The following ZNF101 variants were observed in gnomAD, a reference collection of about 807,000 sequenced individuals.
ZNF101 encodes zinc finger protein 101, also known as zinc finger protein 101 (Y2).
Under a neutral mutation model 42.6 loss-of-function variants are expected in ZNF101, and 34 were observed. The observed-to-expected ratio is 0.80, with a 90% CI of 0.61 to 1.06. ZNF101 has a LOEUF of 1.06. ZNF101 is among the 50% of genes least tolerant of loss of function. The pLI, the probability that ZNF101 is intolerant of heterozygous loss-of-function variation, is 0.00. For missense variants in ZNF101, 466 were observed against 530.9 expected, an observed-to-expected ratio of 0.88 and a Z score of 1.20; for synonymous variants, 158 against 183.9, an observed-to-expected ratio of 0.86 and a Z score of 1.14.
At chr19:19,668,348 A>G (rs1001470701), upstream of ZNF101, among the ~76,000 whole-genome samples, 2 of 152,044 alleles carry the variant, frequency 1.3e-5, no homozygotes, top group Non-Finnish European at 2.9e-5. Flanking sequence ...TCCTGACCGC[A>G]TCCTGGAGAT....
Position 19,679,618 on chromosome 19 carries a change from G to A in ZNF101, c.629G>A (p.Ser210Asn), listed in dbSNP as rs549066094. 6 of 1,612,930 alleles carry A rather than the reference G, an allele frequency of 3.7e-6. No individual in the cohort carries two copies. The highest frequency in any genetic ancestry group is 5.1e-6 in the Non-Finnish European group (6 of 1,179,328). Residue 210 changes from serine to asparagine, a missense_variant, in exon 4 of 4, where the codon AGT becomes AAT. Ser to Asn is a conservative substitution (Grantham distance 46, BLOSUM62 1). Transcript: ENST00000592502. ...ATAGTGAGAGCCTTCACAGTTTCCA[G>A]TTTCTTTCGAAAACATGGAAAAATG... ...REIVRAFTVS[S>N]FFRKHGKMHT...
At chr19:19,675,448 T>A (rs1040115173) in intron 1 of ZNF101, among the ~76,000 whole-genome samples, 5 of 152,254 alleles carry the variant, frequency 3.3e-5, no homozygotes, top group Admixed American at 1.3e-4. Flanking sequence ...ATTTTTTTTT[T>A]ATTACTATGC....
chr19:19,678,073 G>T, intron 2 of ZNF101, 83 bp downstream of exon 2: 2 of 1,562,326 alleles, frequency 1.3e-6, no homozygotes, highest in South Asian at 2.2e-5. Flanking sequence ...TTGGAATGTG[G>T]AAAGAGAATA....
At chr19:19,670,717 C>T (rs912535276) in intron 1 of ZNF101, among the ~76,000 whole-genome samples, 1 of 151,940 alleles carries the variant, frequency 6.6e-6, no homozygotes, top group Non-Finnish European at 1.5e-5. Flanking sequence ...GTGATTGCGC[C>T]ACTGCACTGA....
At chr19:19,670,406 A>G (rs1280142767) in intron 1 of ZNF101, among the ~76,000 whole-genome samples, 1 of 152,172 alleles carries the variant, frequency 6.6e-6, no homozygotes, top group African/African-American at 2.4e-5. Flanking sequence ...ACGCCCGGCT[A>G]GTTTTTATTT....
chr19:19,672,581 G>A (rs1482224464), intron 1 of ZNF101, among the ~76,000 whole-genome samples: 2 of 151,750 alleles, frequency 1.3e-5, no homozygotes, highest in Admixed American at 6.6e-5. Flanking sequence ...GCTGGAGTGC[G>A]GTGGCACGAT....
chr19:19,676,347 A>G (rs1446948716), intron 1 of ZNF101: 1 of 151,510 alleles, frequency 6.6e-6, no homozygotes, highest in Non-Finnish European at 1.5e-5. Flanking sequence ...TTAACTCCTG[A>G]CCTCAAGTGG....
upstream of ZNF101, among the ~76,000 whole-genome samples, chr19:19,668,591 C>G (rs1020191398): frequency 1.2e-4 from 18 of 152,072 alleles, no homozygotes; most frequent in African/African-American, 4.3e-4. Context: ...GGAGCAAGTT[C>G]TGCTTCCATG....
chr19:19,678,125 C>A, intron 2 of ZNF101, 135 bp downstream of exon 2: 1 of 1,301,470 alleles, frequency 7.7e-7, no homozygotes, highest in Non-Finnish European at 1.0e-6. Flanking sequence ...GGTACAGTGG[C>A]TTACCCTTGT....
At chr19:19,678,058 A>C in intron 2 of ZNF101, 68 bp downstream of exon 2, 1 of 1,575,988 alleles carries the variant, frequency 6.3e-7, no homozygotes, top group Non-Finnish European at 8.7e-7. Flanking sequence ...GTGTGGTTGC[A>C]CAGTTTGGAA....
At chr19:19,672,184 ATTTAT>A (rs910967389) in intron 1 of ZNF101, 12 of 149,746 alleles carry the variant, frequency 8.0e-5, no homozygotes, top group Non-Finnish European at 1.3e-4. Flanking sequence ...TTATAAATTT[ATTTAT>A]TTTATTTTTT....
intron 1 of ZNF101, among the ~76,000 whole-genome samples, chr19:19,675,279 C>T (rs528089147): frequency 3.3e-5 from 5 of 151,982 alleles, no homozygotes; most frequent in African/African-American, 9.7e-5. Flanking sequence ...CTGGGATTAC[C>T]GGCGTCCACC....
chr19:19,678,794 C>G lies in ZNF101; in HGVS notation c.191+8C>G, dbSNP rs781602289. The G allele has an allele frequency of 3.4e-5, 55 of 1,607,256 alleles. 1 individual carries two copies. In the South Asian group the frequency reaches 5.6e-4, roughly 16 times the overall value. ...CCTGGGGATTAAGCTAAGGTAATCTCCACTCACAAGAGGAAGCAGTGTCTC... is the reference window on the plus strand; with the variant it reads ...CCTGGGGATTAAGCTAAGGTAATCTGCACTCACAAGAGGAAGCAGTGTCTC... On this transcript the variant is annotated splice_region_variant and intron_variant, in intron 3 of 3. Transcript: ENST00000592502.
In ZNF101 at chr19:19,673,375, G is replaced by T. The variant is rs369209865; in HGVS notation, c.3+4409G>T. 6.0e-5 allele frequency among the ~76,000 whole-genome samples: 9 copies of T among 150,626 alleles called. No individual in the cohort carries two copies. In the South Asian group the frequency reaches 1.9e-3, roughly 32 times the overall value. Reference sequence around the variant, plus strand: ...AGCAGTTCTTCTGTCTCAGTCTCCGGAGTAGCTGGGATTACAGGCACGTGC... The same window carrying T: ...AGCAGTTCTTCTGTCTCAGTCTCCGTAGTAGCTGGGATTACAGGCACGTGC... On this transcript the variant is annotated intron_variant, in intron 1 of 3. Transcript: ENST00000592502.
At chr19:19,678,672 A>AT in intron 2 of ZNF101, 54 bp from the exon 3 acceptor site, 1 of 1,486,170 alleles carries the variant, frequency 6.7e-7, no homozygotes, top group Non-Finnish European at 9.1e-7. Context: ...GAACCTAGTG[A>AT]TTTTTCTGTA....
At chr19:19,671,049 T>G (rs2062165811) in intron 1 of ZNF101, among the ~76,000 whole-genome samples, 1 of 151,996 alleles carries the variant, frequency 6.6e-6, no homozygotes, top group Non-Finnish European at 1.5e-5. Context: ...GAGCTTGCAG[T>G]GAGCTGGAGA....
intron 1 of ZNF101, among the ~76,000 whole-genome samples, chr19:19,671,306 C>T (rs2145043811): frequency 6.6e-6 from 1 of 152,194 alleles, no homozygotes; most frequent in South Asian, 2.1e-4. Context: ...TAGAAGTAGT[C>T]AGATATGATC....
rs1201483690 is a variant in ZNF101 at position 19,679,184 on chromosome 19, T to C, written c.195T>C (p.Ser65=). The change falls in exon 4 of 4, where the codon AGT becomes AGC. Residue 65 remains serine, a synonymous_variant. Transcript: ENST00000592502. The stretch of plus-strand genomic sequence containing the variant: ...ATGCGTTTGTCATTTTTCATAGAAG[T>C]CTGGTGGAGAGACTCTGTGGACGTA... ...LYQNLGIKLR[S]LVERLCGRKE... is the part of the protein sequence containing the mutation. 5 of 1,609,858 alleles carry C rather than the reference T, an allele frequency of 3.1e-6. No individual in the cohort carries two copies. The highest frequency in any genetic ancestry group is 4.2e-6 in the Non-Finnish European group (5 of 1,177,084).
In ZNF101 at chr19:19,682,812, T is replaced by C. The variant is rs2062246514; in HGVS notation, c.*2512T>C. 1 of 152,136 alleles carries C rather than the reference T, an allele frequency of 6.6e-6. No homozygotes were observed. Among genetic ancestry groups the C allele is most frequent in the Non-Finnish European group, 1.5e-5 (1 of 68,032 alleles). The allele number at this position is 152,136 out of a possible 1,614,324, so 9.4% of individuals were successfully genotyped here. On this transcript the variant is annotated 3_prime_UTR_variant, in exon 4 of 4. Coordinates refer to ENST00000592502, the MANE Select transcript of ZNF101 (RefSeq NM_033204.4). ...TGAATGGGCCATTACAAAATGAGTCTATTTTTGTTTGTTTTCTTTTGTTTT... is the reference window on the plus strand; with the variant it reads ...TGAATGGGCCATTACAAAATGAGTCCATTTTTGTTTGTTTTCTTTTGTTTT...
Sources: gnomAD v4.1 joint callset for allele counts (sites outside exome capture counted in the v4.1 genomes callset) on GRCh38, gnomAD v4.1.1 for gene constraint, MANE v1.5 for transcripts, NCBI Gene and HGNC (gene_info 2026-07-23, HGNC 2026-07-21) for gene names.